Variants in TRAPPC9 observed in about 807,000 individuals in gnomAD.
The protein encoded by TRAPPC9 is trafficking protein particle complex subunit 9.
TRAPPC9 carries 83 observed loss-of-function variants against 124.0 expected under a neutral mutation model. The observed-to-expected ratio is 0.67, with a 90% CI of 0.56 to 0.80. TRAPPC9 has a LOEUF of 0.80. TRAPPC9 is among the 30% of genes least tolerant of loss of function. The probability of loss-of-function intolerance (pLI) is 0.00; values close to 1 mark genes in which losing one functional copy is unlikely to be tolerated. For missense variants in TRAPPC9, 1,302 were observed against 1,508.3 expected (o/e 0.86, Z 2.27); for synonymous variants, 638 against 617.5 (o/e 1.03, Z -0.49).
intron 3 of TRAPPC9, among the ~76,000 whole-genome samples, chr8:140,437,767 G>T (rs946003870): frequency 1.3e-5 from 2 of 152,112 alleles, no homozygotes; most frequent in African/African-American, 4.8e-5. Context: ...CAACCTCAAC[G>T]AAAGAACCCT....
chr8:139,795,715 G>A (rs950655759), intron 21 of TRAPPC9, among the ~76,000 whole-genome samples: 1 of 152,106 alleles, frequency 6.6e-6, no homozygotes, highest in African/African-American at 2.4e-5. Flanking sequence ...TTAAAGTGTT[G>A]GGAAACAATC....
chr8:139,869,542 A>T (rs1009780503), intron 21 of TRAPPC9, among the ~76,000 whole-genome samples: 2 of 152,250 alleles, frequency 1.3e-5, no homozygotes, highest in African/African-American at 4.8e-5. Context: ...AGATCAAATA[A>T]GAAAGGATCT....
intron 21 of TRAPPC9, among the ~76,000 whole-genome samples, chr8:139,773,899 C>T (rs536486613): frequency 1.3e-4 from 20 of 152,344 alleles, no homozygotes; most frequent in African/African-American, 4.6e-4. Flanking sequence ...CCTGTTTTCA[C>T]GGCACGCATG....
chr8:140,154,289 A>G (rs2061594615), intron 17 of TRAPPC9, among the ~76,000 whole-genome samples: 1 of 152,044 alleles, frequency 6.6e-6, no homozygotes, highest in Non-Finnish European at 1.5e-5. Flanking sequence ...TGTCTCTGAA[A>G]TCCACCCATT....
chr8:140,370,693 T>A (rs2068256083), intron 8 of TRAPPC9, among the ~76,000 whole-genome samples: 1 of 152,218 alleles, frequency 6.6e-6, no homozygotes, highest in Non-Finnish European at 1.5e-5. Flanking sequence ...CTTCCACTGT[T>A]TGATTGATGA....
rs1405948753 is a variant in TRAPPC9, at chr8:140,450,882, C to T, written c.492G>A (p.Leu164=). The change falls in exon 2 of 23, where the codon CTG becomes CTA. Residue 164 remains leucine (L), a synonymous_variant. Coordinates refer to ENST00000438773, the MANE Select transcript of TRAPPC9 (RefSeq NM_001160372.4). ...CCCCAGACTTGTCTGTGGCTCTGTC[C>T]AGACGCTTGGACTCCAGCACGATGA... The part of the protein sequence containing the change: ...SLFIVLESKR[L]DRATDKSGDK... 1.2e-6 allele frequency: 2 copies of T among 1,613,938 alleles called. No homozygotes were observed. Among genetic ancestry groups the T allele is most frequent in the Admixed American group, 1.7e-5 (1 of 59,990 alleles).
intron 20 of TRAPPC9, among the ~76,000 whole-genome samples, chr8:139,905,850 T>C (rs1587161338): frequency 6.6e-6 from 1 of 151,966 alleles, no homozygotes; most frequent in East Asian, 1.9e-4. Flanking sequence ...ATACCAACAC[T>C]TTGGGAGGCC....
intron 21 of TRAPPC9, among the ~76,000 whole-genome samples, chr8:139,854,635 C>G (rs1236483043): frequency 6.6e-6 from 1 of 152,216 alleles, no homozygotes; most frequent in Non-Finnish European, 1.5e-5. Context: ...GTAAGAGTAG[C>G]AGGGGCCGTA....
rs1040759908 is a variant in TRAPPC9, at chr8:139,728,948, A to G, written c.*2113T>C. On this transcript the variant is annotated 3_prime_UTR_variant, in exon 23 of 23. Transcript: ENST00000438773. Reference sequence around the variant, plus strand: ...CCAATATGCTTGCCACTCAGAATCAAACACTGCCAGAGTTTTCCATATTGG... The same window carrying G: ...CCAATATGCTTGCCACTCAGAATCAGACACTGCCAGAGTTTTCCATATTGG... Among the ~76,000 whole-genome samples the G allele has an allele frequency of 1.3e-5, 2 of 152,230 alleles. No homozygotes were observed. Among genetic ancestry groups the G allele is most frequent in the Non-Finnish European group, 2.9e-5 (2 of 68,040 alleles).
chr8:140,030,480 T>C (rs1348289075), intron 17 of TRAPPC9, among the ~76,000 whole-genome samples: 1 of 152,082 alleles, frequency 6.6e-6, no homozygotes, highest in Non-Finnish European at 1.5e-5. Flanking sequence ...AAACCTACAA[T>C]TAACATATTA....
chr8:140,303,788 CAAGT>C (rs1382879971), intron 10 of TRAPPC9, among the ~76,000 whole-genome samples: 4 of 152,150 alleles, frequency 2.6e-5, no homozygotes, highest in Non-Finnish European at 5.9e-5. Flanking sequence ...CTACAGAGAA[CAAGT>C]AAGTATTTTC....
chr8:140,294,037 A>G (rs916713233), intron 11 of TRAPPC9, among the ~76,000 whole-genome samples: 2 of 152,116 alleles, frequency 1.3e-5, no homozygotes, highest in Non-Finnish European at 2.9e-5. Context: ...TCTACAAAAA[A>G]GGAGAACCCA....
intron 17 of TRAPPC9, among the ~76,000 whole-genome samples, chr8:140,078,250 G>C (rs1323078354): frequency 7.2e-5 from 11 of 152,332 alleles, no homozygotes; most frequent in Non-Finnish European, 1.5e-4. Flanking sequence ...TTTAACAAAA[G>C]GCAAGGAGAA....
chr8:139,869,135 T>C (rs1828733451), intron 21 of TRAPPC9, among the ~76,000 whole-genome samples: 3 of 152,032 alleles, frequency 2.0e-5, no homozygotes, highest in African/African-American at 4.8e-5. Flanking sequence ...TGGCCTAAAC[T>C]CACTTATGAA....
intron 7 of TRAPPC9, among the ~76,000 whole-genome samples, chr8:140,377,885 G>A (rs186847862): frequency 6.4e-4 from 97 of 151,960 alleles, no homozygotes; most frequent in African/African-American, 2.0e-3. Context: ...GCTTGAACCC[G>A]GGGGGCAGAG....
intron 1 of TRAPPC9, among the ~76,000 whole-genome samples, chr8:140,455,181 G>A (rs573369930): frequency 3.0e-4 from 45 of 152,286 alleles, no homozygotes; most frequent in African/African-American, 7.9e-4. Context: ...CACCCAGGCT[G>A]GAGTACAGTG....
At chr8:140,030,481 T>C (rs979692978) in intron 17 of TRAPPC9, among the ~76,000 whole-genome samples, 1 of 152,068 alleles carries the variant, frequency 6.6e-6, no homozygotes, top group Non-Finnish European at 1.5e-5. Flanking sequence ...AACCTACAAT[T>C]AACATATTAC....
At chr8:140,329,539 AATATT>A (rs1356132990) in intron 9 of TRAPPC9, among the ~76,000 whole-genome samples, 10 of 152,216 alleles carry the variant, frequency 6.6e-5, no homozygotes, top group Non-Finnish European at 1.5e-4. Flanking sequence ...CAGTGAGTCA[AATATT>A]ATCATTAGCC....
intron 19 of TRAPPC9, among the ~76,000 whole-genome samples, chr8:139,937,044 T>G (rs1833578708): frequency 1.5e-5 from 2 of 133,482 alleles, no homozygotes; most frequent in African/African-American, 2.9e-5. Flanking sequence ...ATGGAGAGAG[T>G]GGGGAGTGGG....
Sources: allele counts gnomAD v4.1 joint callset (sites outside exome capture counted in the v4.1 genomes callset), GRCh38; gene constraint gnomAD v4.1.1; transcripts MANE v1.5; gene names NCBI Gene and HGNC (gene_info 2026-07-23, HGNC 2026-07-21).